TSBP1: variants seen among roughly 807,000 people sequenced by gnomAD.
TSBP1 encodes the protein testis expressed basic protein 1, also known as testis-expressed basic protein 1.
TSBP1 carries 56 observed loss-of-function variants against 68.8 expected under a neutral mutation model. The observed-to-expected ratio is 0.81, with a 90% CI of 0.66 to 1.02. The LOEUF (loss-of-function observed/expected upper bound fraction) is 1.02, where lower values mean the gene tolerates loss of function less well. TSBP1 is among the 50% of genes least tolerant of loss of function. The probability of loss-of-function intolerance (pLI) is 0.00; values close to 1 mark genes in which losing one functional copy is unlikely to be tolerated. For missense variants in TSBP1, 502 were observed against 641.2 expected, an observed-to-expected ratio of 0.78 and a Z score of 2.34; for synonymous variants, 171 against 208.7, an observed-to-expected ratio of 0.82 and a Z score of 1.56.
At chr6:32,330,475 A>T in intron 16 of TSBP1, 114 bp downstream of exon 17, 1 of 882,636 alleles carries the variant, frequency 1.1e-6, no homozygotes, top group Non-Finnish European at 1.7e-6. Context: ...TGTGTAAAAT[A>T]ACTGCTCTTA....
At position 32,306,693 on chromosome 6, in the gene TSBP1, A is replaced by G. The variant is rs2127570112; in HGVS notation, c.581-4064T>C. Among the ~76,000 whole-genome samples, 1 of 152,312 alleles carries G rather than the reference A, an allele frequency of 6.6e-6. No homozygotes were observed. Among genetic ancestry groups the G allele is most frequent in the South Asian group, 2.1e-4 (1 of 4,818 alleles). ...GCAGTGCTAAATGGAACTATTATTC[A>G]ATTTAAGAACATATAAAGCAAGTTG... On this transcript the variant is annotated intron_variant, in intron 19 of 22. Coordinates refer to ENST00000612031, the Ensembl canonical transcript of TSBP1. This position sits in a 1 kb window ranked among gnomAD's most constrained non-coding sequence, Gnocchi z 5.1.
chr6:32,301,292 G>A (rs1397847692), intron 20 of TSBP1, among the ~76,000 whole-genome samples: 2 of 152,128 alleles, frequency 1.3e-5, no homozygotes, highest in Non-Finnish European at 1.5e-5. Context: ...GCTTCTCAAA[G>A]TGCTGGGATT....
chr6:32,327,778 A>G (rs1317960814), intron 16 of TSBP1, among the ~76,000 whole-genome samples: 1 of 144,368 alleles, frequency 6.9e-6, no homozygotes, highest in African/African-American at 2.5e-5. Context: ...CCTGCCACGA[A>G]GTCTGGCTCA....
At chr6:32,345,082 C>A (rs1233062240) in intron 9 of TSBP1, among the ~76,000 whole-genome samples, 3 of 151,888 alleles carry the variant, frequency 2.0e-5, no homozygotes, top group African/African-American at 7.3e-5. Context: ...TCTTGAGTTC[C>A]TGGCCTCCAG....
rs866048298 is a variant in TSBP1 at position 32,351,428 on chromosome 6, A to G, written c.260-1599T>C. Among the ~76,000 whole-genome samples, 48 of 152,300 alleles carry G rather than the reference A, an allele frequency of 3.2e-4. 1 individual carries two copies. Among genetic ancestry groups the G allele is most frequent in the African/African-American group, 1.1e-3 (46 of 41,564 alleles). On this transcript the variant is annotated intron_variant, in intron 8 of 22. Coordinates refer to ENST00000612031, the Ensembl canonical transcript of TSBP1. Reference sequence around the variant, plus strand: ...CTGGAATTCCTGTTTTGGACTTCTCATAAGTAAGAAATAAAATTCTATTAG... The same window carrying G: ...CTGGAATTCCTGTTTTGGACTTCTCGTAAGTAAGAAATAAAATTCTATTAG...
chr6:32,327,214 A>C (rs546047805), intron 16 of TSBP1, among the ~76,000 whole-genome samples: 21 of 152,242 alleles, frequency 1.4e-4, no homozygotes, highest in Admixed American at 2.6e-4. Flanking sequence ...AGAAATGAGC[A>C]GAGAGGAAAA....
intron 19 of TSBP1, among the ~76,000 whole-genome samples, chr6:32,313,309 T>G (rs534724164): frequency 1.8e-4 from 28 of 152,406 alleles, no homozygotes; most frequent in Non-Finnish European, 3.1e-4. Context: ...TCTCAACATA[T>G]AAACTCCTTA....
Position 32,363,693 on chromosome 6 carries a change from A to G in TSBP1, c.217+2474T>C, listed in dbSNP as rs1773326027. Among the ~76,000 whole-genome samples the G allele has an allele frequency of 2.0e-5, 3 of 152,088 alleles. No individual in the cohort carries two copies. The South Asian group carries it at 6.2e-4, about 32-fold the overall frequency. On this transcript the variant is annotated intron_variant, in intron 6 of 22. Coordinates refer to ENST00000612031, the Ensembl canonical transcript of TSBP1. ...TCAGTGTCAAAATTTACATTTAAAAAAATTGTATATTCATTAACAAATTAT... is the reference window on the plus strand; with the variant it reads ...TCAGTGTCAAAATTTACATTTAAAAGAATTGTATATTCATTAACAAATTAT...
chr6:32,352,375 AG>A (rs1319940084), intron 8 of TSBP1, among the ~76,000 whole-genome samples: 2 of 151,936 alleles, frequency 1.3e-5, no homozygotes, highest in South Asian at 2.1e-4. Context: ...TTTAAAGAAA[AG>A]TTAAATAGTA....
chr6:32,298,817 CA>C (rs9279561), intron 22 of TSBP1, among the ~76,000 whole-genome samples: 1 of 124,840 alleles, frequency 8.0e-6, no homozygotes, highest in Non-Finnish European at 1.6e-5. Context: ...CAGAATTAAA[CA>C]AAAGTTATTA....
Position 32,325,234 on chromosome 6 carries a change from T to C in TSBP1, c.515-1620A>G. 1 of 804,798 alleles carries C rather than the reference T, an allele frequency of 1.2e-6. No individual in the cohort carries two copies. 49.9% of individuals were successfully genotyped at this position (804,798 alleles called of 1,614,324 possible). Reference sequence around the variant, plus strand: ...CCTGGCCGTCTTATCTAAGTCAGAGTCTCCTAAAGAGCCAGAACAACTGAG... The same window carrying C: ...CCTGGCCGTCTTATCTAAGTCAGAGCCTCCTAAAGAGCCAGAACAACTGAG... On this transcript the variant is annotated intron_variant, in intron 16 of 22. Coordinates refer to ENST00000612031, the Ensembl canonical transcript of TSBP1. The surrounding 1 kb of genome is among the most constrained non-coding windows in gnomAD (Gnocchi z 4.4).
intron 3 of TSBP1, 30 bp from the exon 4 acceptor site, chr6:32,367,987 G>C (rs1450792836): frequency 6.5e-7 from 1 of 1,532,770 alleles, no homozygotes; most frequent in Non-Finnish European, 8.8e-7. Context: ...ACATGATTTT[G>C]CTTCTTGATT....
chr6:32,368,765 T>G lies in TSBP1; in HGVS notation c.133+17A>C. 1 of 1,564,392 alleles carries G rather than the reference T, an allele frequency of 6.4e-7. No individual in the cohort carries two copies. Among genetic ancestry groups the G allele is most frequent in the Non-Finnish European group, 8.7e-7 (1 of 1,145,310 alleles). On this transcript the variant is annotated intron_variant, in intron 3 of 22. Transcript: ENST00000612031. ...ATAAGTACTATATTTATTTTTCTCA[T>G]GAGTATAAGTACTTACTTTGTTCTG...
At chr6:32,313,479 T>C (rs1402899338) in intron 19 of TSBP1, among the ~76,000 whole-genome samples, 3 of 152,238 alleles carry the variant, frequency 2.0e-5, no homozygotes. Flanking sequence ...TTTGACTTGT[T>C]CAATGCTGTT....
At position 32,340,115 on chromosome 6, in the gene TSBP1, G is replaced by A. The variant is rs190817371; in HGVS notation, c.350-477C>T. On this transcript the variant is annotated intron_variant, in intron 9 of 22. Coordinates refer to ENST00000612031, the Ensembl canonical transcript of TSBP1. This position sits in a 1 kb window ranked among gnomAD's most constrained non-coding sequence, Gnocchi z 4.8. The stretch of plus-strand genomic sequence containing the variant: ...AGTATTATAATGTGCACTTAATTCT[G>A]TTTTTATTTTTGATTTATTAATTTC... Among the ~76,000 whole-genome samples, 9 of 152,142 alleles carry A rather than the reference G, an allele frequency of 5.9e-5. 1 individual carries two copies. The highest frequency in any genetic ancestry group is 5.9e-4 in the Admixed American group (9 of 15,280).
rs1562174496 is a variant in TSBP1, at chr6:32,355,706, G to A, written c.218-37C>T. The A allele has an allele frequency of 3.8e-6, 6 of 1,572,824 alleles. No individual in the cohort carries two copies. The South Asian group carries it at 6.8e-5, about 18-fold the overall frequency. On this transcript the variant is annotated intron_variant, in intron 6 of 22. Coordinates refer to ENST00000612031, the Ensembl canonical transcript of TSBP1. ...AACAAAAGAAAGAAAAATCAATTTG[G>A]ATATTCTATTTCTGTAGTTTTGGTA... is the stretch of plus-strand genomic sequence containing the variant.
chr6:32,369,060 G>C (rs1774088472), intron 2 of TSBP1, among the ~76,000 whole-genome samples: 1 of 152,124 alleles, frequency 6.6e-6, no homozygotes. Flanking sequence ...GAATACAGCT[G>C]ATTAGAAAGT....
At position 32,333,443 on chromosome 6, in the gene TSBP1, A is replaced by C. The variant is rs1769290553; in HGVS notation, c.473-1389T>G. 2.6e-5 allele frequency among the ~76,000 whole-genome samples: 4 copies of C among 152,300 alleles called. No individual in the cohort carries two copies. In the South Asian group the frequency reaches 8.3e-4, roughly 32 times the overall value. On this transcript the variant is annotated intron_variant, in intron 14 of 22. Transcript: ENST00000612031. This position sits in a 1 kb window ranked among gnomAD's most constrained non-coding sequence, Gnocchi z 4.2. The stretch of plus-strand genomic sequence containing the variant: ...AGTGTAGTGACCCATGTATTTGGTC[A>C]TATTCCTTACGGGATCCCTGCAGGT...
At chr6:32,296,560 G>A (rs987891104) in intron 22 of TSBP1, among the ~76,000 whole-genome samples, 2 of 152,162 alleles carry the variant, frequency 1.3e-5, no homozygotes. Context: ...TTTGATCTTC[G>A]ACAGTGCTAC....
Sources: allele counts gnomAD v4.1 joint callset (sites outside exome capture counted in the v4.1 genomes callset), GRCh38; gene constraint gnomAD v4.1.1; non-coding constraint Gnocchi (gnomAD v3.1); transcripts MANE v1.5; gene names NCBI Gene and HGNC (gene_info 2026-07-23, HGNC 2026-07-21).